PELI2: variants seen among roughly 807,000 people sequenced by gnomAD.
PELI2 encodes E3 ubiquitin-protein ligase pellino homolog 2.
In PELI2, 23 loss-of-function variants were observed where a neutral mutation model predicts 42.3. That is an observed-to-expected ratio of 0.54 (90% CI 0.39 to 0.77). PELI2 has a LOEUF of 0.77. PELI2 is among the 30% of genes least tolerant of loss of function. The pLI, the probability that PELI2 is intolerant of heterozygous loss-of-function variation, is 0.00. For synonymous variants in PELI2, 245 were observed against 212.2 expected (o/e 1.15, Z -1.34); for missense variants, 463 against 553.2 (o/e 0.84, Z 1.64).
chr14:56,184,599 T>C (rs1044352283), intron 2 of PELI2, among the ~76,000 whole-genome samples: 3 of 152,038 alleles, frequency 2.0e-5, no homozygotes, highest in South Asian at 4.1e-4. Flanking sequence ...AACAATCCAA[T>C]AAATAAGGGA....
At chr14:56,151,118 T>C (rs1268742399) in intron 1 of PELI2, among the ~76,000 whole-genome samples, 1 of 152,206 alleles carries the variant, frequency 6.6e-6, no homozygotes, top group Non-Finnish European at 1.5e-5. Flanking sequence ...GTTCTGACAG[T>C]GTTGCCTGCC....
chr14:56,270,064 G>A (rs763707051), intron 2 of PELI2, among the ~76,000 whole-genome samples: 3 of 152,186 alleles, frequency 2.0e-5, no homozygotes, highest in Non-Finnish European at 2.9e-5. Flanking sequence ...GAGCGTGCCT[G>A]CCCCAGCCCT....
chr14:56,227,426 T>C (rs1028049455), intron 2 of PELI2, among the ~76,000 whole-genome samples: 1 of 152,182 alleles, frequency 6.6e-6, no homozygotes, highest in Non-Finnish European at 1.5e-5. Context: ...ATATCTGGGA[T>C]AACTGGAGCC....
At chr14:56,191,458 A>C (rs1314389726) in intron 2 of PELI2, among the ~76,000 whole-genome samples, 1 of 152,228 alleles carries the variant, frequency 6.6e-6, no homozygotes, top group African/African-American at 2.4e-5. Flanking sequence ...AATGAACCAC[A>C]CAGTGATACC....
chr14:56,264,020 A>G (rs1888814415), intron 2 of PELI2, among the ~76,000 whole-genome samples: 1 of 152,190 alleles, frequency 6.6e-6, no homozygotes, highest in Non-Finnish European at 1.5e-5. Context: ...ACATTTACCT[A>G]CTGACTAAAA....
chr14:56,217,297 T>A (rs1287271939), intron 2 of PELI2, among the ~76,000 whole-genome samples: 1 of 152,216 alleles, frequency 6.6e-6, no homozygotes, highest in Non-Finnish European at 1.5e-5. Context: ...CTCCACCTCC[T>A]GGCAGGCCTG....
intron 1 of PELI2, among the ~76,000 whole-genome samples, chr14:56,134,479 T>G (rs1003425185): frequency 2.6e-5 from 4 of 152,224 alleles, no homozygotes; most frequent in Non-Finnish European, 5.9e-5. Context: ...ATGTTTTCAC[T>G]CTGAATCTTT....
At chr14:56,124,861 A>G (rs1271281392) in intron 1 of PELI2, among the ~76,000 whole-genome samples, 1 of 152,014 alleles carries the variant, frequency 6.6e-6, no homozygotes, top group Non-Finnish European at 1.5e-5. Flanking sequence ...ACAGAGAAAC[A>G]CTCTTTATGG....
At chr14:56,148,359 C>T (rs752479912) in intron 1 of PELI2, among the ~76,000 whole-genome samples, 2 of 152,080 alleles carry the variant, frequency 1.3e-5, no homozygotes, top group Admixed American at 6.5e-5. Flanking sequence ...AAAATGTATG[C>T]GCATGTGTGT....
At chr14:56,209,487 T>A (rs1245079840) in intron 2 of PELI2, among the ~76,000 whole-genome samples, 1 of 152,198 alleles carries the variant, frequency 6.6e-6, no homozygotes, top group Admixed American at 6.5e-5. Context: ...TAAAACAACA[T>A]CACTCTTCCA....
At chr14:56,151,242 C>T (rs963294525) in intron 1 of PELI2, among the ~76,000 whole-genome samples, 2 of 152,252 alleles carry the variant, frequency 1.3e-5, no homozygotes, top group East Asian at 1.9e-4. Flanking sequence ...CTTATTGCTC[C>T]CTCCCTCGGC....
intron 1 of PELI2, among the ~76,000 whole-genome samples, chr14:56,139,886 C>CTTT: frequency 6.7e-6 from 1 of 149,316 alleles, no homozygotes. Flanking sequence ...AGCTTCTTTA[C>CTTT]TAAAAAAAAA....
At chr14:56,246,154 C>T (rs1888145949) in intron 2 of PELI2, among the ~76,000 whole-genome samples, 1 of 152,144 alleles carries the variant, frequency 6.6e-6, no homozygotes, top group Non-Finnish European at 1.5e-5. Context: ...GCACCTGGTG[C>T]GTTCTCCATG....
intron 2 of PELI2, among the ~76,000 whole-genome samples, chr14:56,199,446 G>A (rs1380746098): frequency 6.6e-6 from 1 of 152,176 alleles, no homozygotes; most frequent in Non-Finnish European, 1.5e-5. Flanking sequence ...ACTAATCACA[G>A]ACGGTAGATT....
intron 2 of PELI2, among the ~76,000 whole-genome samples, chr14:56,230,161 G>C (rs1056515609): frequency 6.6e-6 from 1 of 152,190 alleles, no homozygotes; most frequent in Non-Finnish European, 1.5e-5. Flanking sequence ...ATGGAACCAA[G>C]TTGGGAAACA....
intron 1 of PELI2, among the ~76,000 whole-genome samples, chr14:56,137,133 A>G (rs1883714207): frequency 1.3e-5 from 2 of 152,230 alleles, no homozygotes; most frequent in Non-Finnish European, 2.9e-5. Context: ...GCTAGGAGTT[A>G]AAGATGGGAT....
chr14:56,207,428 C>T (rs1319532365), intron 2 of PELI2, among the ~76,000 whole-genome samples: 2 of 152,104 alleles, frequency 1.3e-5, no homozygotes, highest in Non-Finnish European at 1.5e-5. Context: ...ACTCACTACC[C>T]ACAAGGGATT....
At chr14:56,170,828 C>T (rs1269169577) in intron 1 of PELI2, among the ~76,000 whole-genome samples, 1 of 152,182 alleles carries the variant, frequency 6.6e-6, no homozygotes, top group East Asian at 1.9e-4. Context: ...ACTGTTTGCT[C>T]TGCATATATG....
In PELI2 at chr14:56,219,106, A is replaced by G; in HGVS notation, c.207+40642A>G. Among the ~76,000 whole-genome samples the G allele has an allele frequency of 6.6e-6, 1 of 152,134 alleles. No individual in the cohort carries two copies. The highest frequency in any genetic ancestry group is 6.5e-5 in the Admixed American group (1 of 15,274). ...ACCCTAGGAAGGGAAGGTAGCTTCA[A>G]ATACAAGCCATTTTAAGTATCCTGG... On this transcript the variant is annotated intron_variant, in intron 2 of 5. Coordinates refer to ENST00000267460, the MANE Select transcript of PELI2 (RefSeq NM_021255.3). The surrounding 1 kb of genome is among the most constrained non-coding windows in gnomAD (Gnocchi z 4.1).
Sources: gnomAD v4.1 joint callset for allele counts (sites outside exome capture counted in the v4.1 genomes callset) on GRCh38, gnomAD v4.1.1 for gene constraint, Gnocchi (gnomAD v3.1) non-coding constraint, MANE v1.5 for transcripts, NCBI Gene and HGNC (gene_info 2026-07-23, HGNC 2026-07-21) for gene names.